The following GOLM1 variants were observed in gnomAD, a reference collection of about 807,000 sequenced individuals.
The protein encoded by GOLM1 is golgi membrane protein 1.
Under a neutral mutation model 50.5 loss-of-function variants are expected in GOLM1, and 31 were observed. That is an observed-to-expected ratio of 0.61 (90% confidence interval 0.46 to 0.83). The LOEUF (loss-of-function observed/expected upper bound fraction) is 0.83, where lower values mean the gene tolerates loss of function less well. GOLM1 is among the 40% of genes least tolerant of loss of function. The pLI is 0.00. For synonymous variants in GOLM1, 178 were observed against 192.8 expected (o/e 0.92, Z 0.64); for missense variants, 491 against 501.3 (o/e 0.98, Z 0.20).
At chr9:86,089,791 T>C (rs558075490) in intron 1 of GOLM1, among the ~76,000 whole-genome samples, 4 of 152,278 alleles carry the variant, frequency 2.6e-5, no homozygotes, top group African/African-American at 9.6e-5. Context: ...CCAGTTTTGT[T>C]CCCTTGCTGG....
At chr9:86,088,987 T>C (rs539226209) in intron 1 of GOLM1, among the ~76,000 whole-genome samples, 210 of 152,324 alleles carry the variant, frequency 1.4e-3, no homozygotes, top group Non-Finnish European at 2.4e-3. Context: ...CATTTGCTTG[T>C]CTGTAAAGGA....
At chr9:86,089,628 T>C (rs959319169) in intron 1 of GOLM1, among the ~76,000 whole-genome samples, 7 of 152,148 alleles carry the variant, frequency 4.6e-5, no homozygotes, top group Admixed American at 4.6e-4. Flanking sequence ...TGTTCTTCTC[T>C]AAACTGGTTA....
chr9:86,048,425 T>C (rs1043301011), intron 4 of GOLM1, among the ~76,000 whole-genome samples: 4 of 152,198 alleles, frequency 2.6e-5, no homozygotes, highest in African/African-American at 9.6e-5. Flanking sequence ...TATTTCTAGT[T>C]CTAGATCCTT....
chr9:86,092,568 G>C (rs1354045973), intron 1 of GOLM1, among the ~76,000 whole-genome samples: 1 of 152,232 alleles, frequency 6.6e-6, no homozygotes, highest in Non-Finnish European at 1.5e-5. Context: ...TGGCTGGCCA[G>C]GAAGGTGAGC....
intron 4 of GOLM1, among the ~76,000 whole-genome samples, chr9:86,049,114 C>T (rs911273168): frequency 6.6e-6 from 1 of 152,198 alleles, no homozygotes; most frequent in African/African-American, 2.4e-5. Flanking sequence ...TTTCCCAGCA[C>T]CATTTATTAA....
intron 3 of GOLM1, among the ~76,000 whole-genome samples, chr9:86,057,885 A>T (rs750521028): frequency 6.6e-6 from 1 of 152,186 alleles, no homozygotes; most frequent in African/African-American, 2.4e-5. Context: ...TAACTACTGT[A>T]TTTCTTTGGC....
At chr9:86,038,158 AAG>A (rs950666065) in intron 6 of GOLM1, among the ~76,000 whole-genome samples, 1 of 150,114 alleles carries the variant, frequency 6.7e-6, no homozygotes, top group African/African-American at 2.5e-5. Context: ...CCAACACCAA[AAG>A]AAAAAAAAAA....
At chr9:86,079,430 G>T in intron 1 of GOLM1, 89 bp from the exon 2 acceptor site, 1 of 1,120,322 alleles carries the variant, frequency 8.9e-7, no homozygotes, top group Non-Finnish European at 1.3e-6. Context: ...AAGAGGAAAG[G>T]AGTCTTGCCA....
chr9:86,088,710 T>C (rs1163960820), intron 1 of GOLM1, among the ~76,000 whole-genome samples: 2 of 151,908 alleles, frequency 1.3e-5, no homozygotes, highest in African/African-American at 4.8e-5. Flanking sequence ...GTCTTGAGTC[T>C]ATCCAATTTG....
chr9:86,026,845 C>A lies in GOLM1; in HGVS notation c.*972G>T. 1.0e-6 allele frequency: 1 copy of A among 977,932 alleles called. No homozygotes were observed. The highest frequency in any genetic ancestry group is 1.7e-5 in the African/African-American group (1 of 57,180). The allele number at this position is 977,932 out of a possible 1,614,324, so 60.6% of individuals were successfully genotyped here. The stretch of plus-strand genomic sequence containing the variant: ...AATGTGTACACTATGATAAAAACAA[C>A]CATTGTATTCCTGTTTTTCTAAACA... On this transcript the variant is annotated 3_prime_UTR_variant, in exon 10 of 10. Coordinates refer to ENST00000388712, the MANE Select transcript of GOLM1 (RefSeq NM_016548.4).
intron 7 of GOLM1, among the ~76,000 whole-genome samples, chr9:86,035,878 C>CAAAAAAAAAAAAAAAAAAAAA (rs1212918413): frequency 9.8e-6 from 1 of 101,548 alleles, no homozygotes; most frequent in Non-Finnish European, 1.9e-5. Flanking sequence ...AAAAAAAAAA[C>CAAAAAAAAAAAAAAAAAAAAA]AAAACAAAAA....
chr9:86,035,159 A>C, intron 8 of GOLM1: 1 of 985,280 alleles, frequency 1.0e-6, no homozygotes, highest in Non-Finnish European at 1.2e-6. Flanking sequence ...TTGCATCTAA[A>C]ACCTCGAGTT....
intron 1 of GOLM1, among the ~76,000 whole-genome samples, chr9:86,082,704 T>C (rs1348785891): frequency 6.6e-6 from 1 of 152,222 alleles, no homozygotes; most frequent in African/African-American, 2.4e-5. Flanking sequence ...CCTCCTAAAG[T>C]GCTGGGAGTA....
chr9:86,031,430 T>C (rs1010059685), intron 9 of GOLM1, among the ~76,000 whole-genome samples: 1 of 142,784 alleles, frequency 7.0e-6, no homozygotes, highest in Non-Finnish European at 1.5e-5. Context: ...ATCTACCTTA[T>C]ACAAACAATA....
At chr9:86,036,584 A>G (rs553636669) in intron 6 of GOLM1, 77 bp from the exon 7 acceptor site, 9 of 1,456,448 alleles carry the variant, frequency 6.2e-6, no homozygotes, top group Middle Eastern at 2.4e-4. Context: ...TACCAATGCA[A>G]TGAATCCCAC....
At chr9:86,054,751 T>C (rs1197543249) in intron 3 of GOLM1, among the ~76,000 whole-genome samples, 3 of 152,146 alleles carry the variant, frequency 2.0e-5, no homozygotes, top group Non-Finnish European at 4.4e-5. Flanking sequence ...CTGTACCTAA[T>C]GTTAAAAACA....
In GOLM1 at chr9:86,097,958, C is replaced by T. The variant is rs550959479; in HGVS notation, c.-22+1453G>A. On this transcript the variant is annotated intron_variant, in intron 1 of 9. Transcript: ENST00000388712. The stretch of plus-strand genomic sequence containing the variant: ...CATCAATAACTGGACCTAAACCAGC[C>T]ATTAGAAAGCAGATGGTATCCCTGG... Among the ~76,000 whole-genome samples, 10 of 152,224 alleles carry T rather than the reference C, an allele frequency of 6.6e-5. No homozygotes were observed. In the South Asian group the frequency reaches 8.3e-4, roughly 13 times the overall value.
At chr9:86,062,593 T>G (rs1587720858) in intron 3 of GOLM1, among the ~76,000 whole-genome samples, 2 of 126,778 alleles carry the variant, frequency 1.6e-5, no homozygotes, top group Non-Finnish European at 1.7e-5. Flanking sequence ...AGAGACAGGG[T>G]CTGGAGGGGA....
At chr9:86,028,872 G>C (rs1272379859) in intron 9 of GOLM1, among the ~76,000 whole-genome samples, 5 of 139,934 alleles carry the variant, frequency 3.6e-5, no homozygotes, top group African/African-American at 1.3e-4. Flanking sequence ...TTTTTGAGAC[G>C]GAGTCTGGCT....
Sources: gnomAD v4.1 joint callset for allele counts (sites outside exome capture counted in the v4.1 genomes callset) on GRCh38, gnomAD v4.1.1 for gene constraint, MANE v1.5 for transcripts, NCBI Gene and HGNC (gene_info 2026-07-23, HGNC 2026-07-21) for gene names.